ATP2C1: variants seen among roughly 807,000 people sequenced by gnomAD.
ATP2C1 encodes the protein ATPase secretory pathway Ca2+ transporting 1, also known as calcium-transporting ATPase type 2C member 1.
Under a neutral mutation model 120.5 loss-of-function variants are expected in ATP2C1, and 31 were observed. That is an observed-to-expected ratio of 0.26 (90% CI 0.19 to 0.35). ATP2C1 has a LOEUF of 0.35. Ranked by LOEUF, ATP2C1 falls within the 10% of genes least tolerant of loss-of-function variation. The pLI, the probability that ATP2C1 is intolerant of heterozygous loss-of-function variation, is 1.00. For missense variants in ATP2C1, 731 were observed against 1,107.5 expected (o/e 0.66, Z 4.83); for synonymous variants, 351 against 358.7 (o/e 0.98, Z 0.24).
chr3:130,994,932 C>G (rs144036740), intron 22 of ATP2C1, among the ~76,000 whole-genome samples: 38 of 152,172 alleles, frequency 2.5e-4, no homozygotes, highest in Non-Finnish European at 4.6e-4. Context: ...TATATGAATC[C>G]TTGTAAACCA....
chr3:130,937,950 T>C (rs1052585819), intron 6 of ATP2C1, among the ~76,000 whole-genome samples: 1 of 152,214 alleles, frequency 6.6e-6, no homozygotes, highest in Admixed American at 6.5e-5. Flanking sequence ...CTTAGCCAAA[T>C]GCTACACTTG....
Position 130,940,728 on chromosome 3 carries a change from T to C in ATP2C1, c.422+37T>C, listed in dbSNP as rs773661242. ...TTTTTGGTATGGATTTCTGCCCCTT[T>C]AAAAATAGAAGTTGAATGTGACTAG... On this transcript the variant is annotated intron_variant, in intron 7 of 27. Transcript: ENST00000510168. 1.1e-5 allele frequency: 17 copies of C among 1,513,276 alleles called. No homozygotes were observed. The Admixed American group carries it at 2.5e-4, about 22-fold the overall frequency. The allele number at this position is 1,513,276 out of a possible 1,614,324, so 93.7% of individuals were successfully genotyped here.
intron 1 of ATP2C1, among the ~76,000 whole-genome samples, chr3:130,861,371 C>T (rs2068007455): frequency 6.6e-6 from 1 of 152,152 alleles, no homozygotes; most frequent in African/African-American, 2.4e-5. Context: ...TGTCTATAAG[C>T]TTGAGAACCC....
chr3:131,008,687 A>G (rs2063206738), intron 26 of ATP2C1, among the ~76,000 whole-genome samples: 1 of 152,154 alleles, frequency 6.6e-6, no homozygotes, highest in South Asian at 2.1e-4. Context: ...TCATTTAGAT[A>G]TTCAAAAAGA....
chr3:131,001,666 T>C lies in ATP2C1; in HGVS notation c.*316T>C. The C allele has an allele frequency of 9.6e-7, 1 of 1,044,076 alleles. No individual in the cohort carries two copies. The highest frequency in any genetic ancestry group is 1.7e-5 in the African/African-American group (1 of 58,504). The allele number at this position is 1,044,076 out of a possible 1,614,324, so 64.7% of individuals were successfully genotyped here. On this transcript the variant is annotated 3_prime_UTR_variant, in exon 28 of 28. Coordinates refer to ENST00000510168, the MANE Select transcript of ATP2C1 (RefSeq NM_001378687.1). ...ACTTAAAGAAGTCTAACAGTACAAA[T>C]ACACTATCTATCTTAGATAGATATA...
intron 22 of ATP2C1, among the ~76,000 whole-genome samples, chr3:130,995,614 G>A (rs1379488560): frequency 6.6e-6 from 1 of 152,016 alleles, no homozygotes; most frequent in Non-Finnish European, 1.5e-5. Flanking sequence ...ATTGATACAT[G>A]TGTTGTATTA....
intron 2 of ATP2C1, among the ~76,000 whole-genome samples, chr3:130,916,072 A>G (rs563741743): frequency 6.6e-6 from 1 of 152,256 alleles, no homozygotes; most frequent in African/African-American, 2.4e-5. Context: ...CCTATTAGGT[A>G]ACATTCCTTT....
At chr3:130,986,648 A>G (rs3773812) in intron 20 of ATP2C1, among the ~76,000 whole-genome samples, 6,745 of 152,222 alleles carry the variant, frequency 0.044, 400 homozygotes, top group East Asian at 0.22. Context: ...AATTCATCCT[A>G]CTTTAAAGTG....
intron 2 of ATP2C1, among the ~76,000 whole-genome samples, chr3:130,904,516 TTTC>T: frequency 6.6e-6 from 1 of 152,216 alleles, no homozygotes; most frequent in East Asian, 1.9e-4. Context: ...GTCTGCCAGA[TTTC>T]TTCATTGTAA....
Position 131,002,180 on chromosome 3 carries a change from C to T in ATP2C1, c.*830C>T, listed in dbSNP as rs549937691. The T allele has an allele frequency of 1.0e-6, 1 of 975,336 alleles. No individual in the cohort carries two copies. The highest frequency in any genetic ancestry group is 1.2e-6 in the Non-Finnish European group (1 of 820,910). The allele number at this position is 975,336 out of a possible 1,614,324, so 60.4% of individuals were successfully genotyped here. A position where few individuals can be genotyped will look rare whatever the true frequency, so the allele number is the denominator to read the frequency against. ...TAATAAATTATATTAACATGTCTTC[C>T]TTTTTGAGGTAAAGATATATACTTT... On this transcript the variant is annotated 3_prime_UTR_variant, in exon 28 of 28. Transcript: ENST00000510168.
intron 13 of ATP2C1, among the ~76,000 whole-genome samples, chr3:130,964,663 A>G (rs1200313478): frequency 6.6e-6 from 1 of 152,098 alleles, no homozygotes; most frequent in African/African-American, 2.4e-5. Context: ...TCTAGAAAAG[A>G]TGTTATATAA....
At chr3:130,923,149 G>A (rs1015557167) in intron 2 of ATP2C1, among the ~76,000 whole-genome samples, 1 of 151,864 alleles carries the variant, frequency 6.6e-6, no homozygotes, top group Admixed American at 6.6e-5. Context: ...TTCAATGTTA[G>A]GTGCATATAT....
At chr3:130,889,638 C>CTTTTTTTTTT (rs1170424148), upstream of ATP2C1, among the ~76,000 whole-genome samples, 3 of 77,650 alleles carry the variant, frequency 3.9e-5, no homozygotes, top group East Asian at 3.9e-4. Context: ...ATTCTTTAAA[C>CTTTTTTTTTT]TTTTTTTTTT....
chr3:130,986,556 A>G (rs1167790824), intron 20 of ATP2C1, among the ~76,000 whole-genome samples: 1 of 152,236 alleles, frequency 6.6e-6, no homozygotes, highest in East Asian at 1.9e-4. Context: ...TGCGTTAATT[A>G]TAGCAGATAT....
chr3:130,975,604 CCTTGCCAGTAT>C, intron 18 of ATP2C1, 116 bp downstream of exon 18: 1 of 1,236,944 alleles, frequency 8.1e-7, no homozygotes, highest in Non-Finnish European at 1.2e-6. Flanking sequence ...TTTGTAGAAC[CCTTGCCAGTAT>C]TGAGGTGTTA....
chr3:131,006,939 A>C (rs954861434), downstream of ATP2C1, among the ~76,000 whole-genome samples: 1 of 152,108 alleles, frequency 6.6e-6, no homozygotes, highest in Non-Finnish European at 1.5e-5. Flanking sequence ...AAGTGCTGGG[A>C]TTATAAGCGT....
At chr3:130,968,002 A>AT (rs1369223417) in intron 16 of ATP2C1, among the ~76,000 whole-genome samples, 1 of 152,220 alleles carries the variant, frequency 6.6e-6, no homozygotes, top group East Asian at 1.9e-4. Flanking sequence ...CCTGTCACTC[A>AT]TAACAAAAAT....
At chr3:130,966,092 A>T (rs2061037818) in intron 14 of ATP2C1, among the ~76,000 whole-genome samples, 1 of 152,164 alleles carries the variant, frequency 6.6e-6, no homozygotes, top group African/African-American at 2.4e-5. Context: ...AGTGATTTAA[A>T]ATGTATTTAT....
chr3:130,870,500 T>C lies in ATP2C1; in HGVS notation c.108+19572T>C, dbSNP rs143378205. On this transcript the variant is annotated intron_variant, in intron 1 of 26. Coordinates refer to the ATP2C1 transcript ENST00000504381. ...GACAAAGTGTCAACATTAACAGGAG[T>C]TTAGAAGAAGTTGATTCCAACCCTC... 4.8e-3 allele frequency among the ~76,000 whole-genome samples: 737 copies of C among 152,088 alleles called. 9 individuals are homozygous for C. Among genetic ancestry groups the C allele is most frequent in the African/African-American group, 0.017 (694 of 41,464 alleles).
Sources: gnomAD v4.1 joint callset for allele counts (sites outside exome capture counted in the v4.1 genomes callset) on GRCh38, gnomAD v4.1.1 for gene constraint, MANE v1.5 for transcripts, NCBI Gene and HGNC (gene_info 2026-07-23, HGNC 2026-07-21) for gene names.